The following PARK7 variants were observed in gnomAD, a reference collection of about 807,000 sequenced individuals.
PARK7 encodes the protein Parkinsonism associated deglycase, also known as Parkinson disease protein 7.
PARK7 carries 14 observed loss-of-function variants against 20.5 expected under a neutral mutation model. That is an observed-to-expected ratio of 0.68 (90% CI 0.45 to 1.07). The LOEUF is 1.07. Among genes scored for constraint, PARK7 ranks in the 50% least tolerant of loss-of-function variants. The probability of loss-of-function intolerance (pLI) is 0.00; values close to 1 mark genes in which losing one functional copy is unlikely to be tolerated. For synonymous variants in PARK7, 98 were observed against 84.3 expected (o/e 1.16, Z -0.89); for missense variants, 234 against 238.1 (o/e 0.98, Z 0.11).
intron 4 of PARK7, 126 bp from the exon 5 acceptor site, chr1:7,970,765 ATAT>A (rs1578096688): frequency 3.6e-6 from 3 of 844,676 alleles, no homozygotes; most frequent in Non-Finnish European, 5.9e-6. Flanking sequence ...TGATTTAGAA[ATAT>A]TGTTGGAAAA....
At chr1:7,971,176 T>TG in intron 5 of PARK7, 1 of 620,760 alleles carries the variant, frequency 1.6e-6, no homozygotes, top group Non-Finnish European at 2.9e-6. Flanking sequence ...GTCTACATGC[T>TG]GTGAAACTTA....
intron 5 of PARK7, among the ~76,000 whole-genome samples, chr1:7,976,747 G>A (rs1057265838): frequency 1.3e-5 from 2 of 152,128 alleles, no homozygotes; most frequent in Admixed American, 1.3e-4. Context: ...TTGAGACAGA[G>A]TCTCGCTCTG....
At position 7,984,918 on chromosome 1, in the gene PARK7, G is replaced by C. The variant is rs148682310; in HGVS notation, c.434G>C (p.Arg145Pro). The C allele has an allele frequency of 6.2e-7, 1 of 1,614,152 alleles. No homozygotes were observed. The highest frequency in any genetic ancestry group is 1.3e-5 in the African/African-American group (1 of 75,034). The change falls in exon 7 of 7, where the codon CGT becomes CCT. Residue 145 changes from arginine to proline, a missense_variant. Arg to Pro is a moderately radical substitution (Grantham distance 103). Coordinates refer to ENST00000338639, the MANE Select transcript of PARK7 (RefSeq NM_007262.5). The surrounding 1 kb of genome is among the most constrained non-coding windows in gnomAD (Gnocchi z 4.3). ...GGTCATTACACCTACTCTGAGAATC[G>C]TGTGGAAAAAGACGGCCTGATTCTT... ...NGGHYTYSENRVEKDGLILTS... is the reference protein window; with the variant it reads ...NGGHYTYSENPVEKDGLILTS...
chr1:7,971,273 G>A, intron 5 of PARK7: 1 of 418,168 alleles, frequency 2.4e-6, no homozygotes, highest in Non-Finnish European at 4.5e-6. Context: ...CTCTGTGCCA[G>A]AAAGTCTTTG....
At chr1:7,975,174 C>A (rs1031518107) in intron 5 of PARK7, among the ~76,000 whole-genome samples, 2 of 152,098 alleles carry the variant, frequency 1.3e-5, no homozygotes, top group Admixed American at 1.3e-4. Flanking sequence ...TGAAGTGTTG[C>A]AGTTAGGGAT....
intron 3 of PARK7, among the ~76,000 whole-genome samples, chr1:7,967,519 G>T (rs1306246616): frequency 6.6e-6 from 1 of 152,074 alleles, no homozygotes; most frequent in Non-Finnish European, 1.5e-5. Flanking sequence ...TTATTTTTCA[G>T]TGCAGATTCT....
chr1:7,967,059 A>G (rs1640345444), intron 3 of PARK7, among the ~76,000 whole-genome samples: 1 of 152,072 alleles, frequency 6.6e-6, no homozygotes, highest in South Asian at 2.1e-4. Flanking sequence ...ATCTCTCCCT[A>G]TCCCCACTTT....
At chr1:7,966,214 C>T (rs993363262) in intron 3 of PARK7, among the ~76,000 whole-genome samples, 2 of 152,190 alleles carry the variant, frequency 1.3e-5, no homozygotes, top group Admixed American at 1.3e-4. Context: ...AGAGTCGGCT[C>T]ACAGATGGCT....
At chr1:7,981,632 C>T (rs1425270156) in intron 6 of PARK7, among the ~76,000 whole-genome samples, 4 of 151,380 alleles carry the variant, frequency 2.6e-5, no homozygotes, top group Admixed American at 6.6e-5. Flanking sequence ...TCAGGCTTGT[C>T]GTTGCTGACC....
chr1:7,968,268 A>C (rs1640370171), intron 3 of PARK7, among the ~76,000 whole-genome samples: 1 of 147,676 alleles, frequency 6.8e-6, no homozygotes, highest in South Asian at 2.1e-4. Context: ...AGATCACTGC[A>C]CTCTAACCTG....
At chr1:7,983,840 A>G (rs1469629023) in intron 6 of PARK7, among the ~76,000 whole-genome samples, 1 of 152,154 alleles carries the variant, frequency 6.6e-6, no homozygotes, top group Non-Finnish European at 1.5e-5. Flanking sequence ...TTGACCTCAC[A>G]CTTCAGGGGT....
At chr1:7,983,280 C>T (rs997589428) in intron 6 of PARK7, among the ~76,000 whole-genome samples, 5 of 152,240 alleles carry the variant, frequency 3.3e-5, no homozygotes, top group South Asian at 2.1e-4. Flanking sequence ...CGCCTGCCTG[C>T]GTGGCCGGTG....
intron 2 of PARK7, among the ~76,000 whole-genome samples, chr1:7,964,191 T>C (rs1417376139): frequency 6.6e-6 from 1 of 152,168 alleles, no homozygotes; most frequent in Non-Finnish European, 1.5e-5. Flanking sequence ...TATCTAAAAA[T>C]AGTGAACAGT....
Position 7,984,777 on chromosome 1 carries a change from A to G in PARK7, c.410-117A>G, listed in dbSNP as rs570660727. ...TTGGAGTGCCTAGTAAATGTTTTTG[A>G]ATGGTTAGCTACAGTGTTGGGTTTA... On this transcript the variant is annotated intron_variant, in intron 6 of 6. Coordinates refer to ENST00000338639, the MANE Select transcript of PARK7 (RefSeq NM_007262.5). This position sits in a 1 kb window ranked among gnomAD's most constrained non-coding sequence, Gnocchi z 4.3. 9.8e-5 allele frequency: 126 copies of G among 1,281,810 alleles called. No individual in the cohort carries two copies. In the African/African-American group the frequency reaches 1.1e-3, roughly 11 times the overall value. The allele number at this position is 1,281,810 out of a possible 1,614,324, so 79.4% of individuals were successfully genotyped here. A position where few individuals can be genotyped will look rare whatever the true frequency, so the allele number is the denominator to read the frequency against.
chr1:7,980,507 C>T (rs1640689039), intron 6 of PARK7, among the ~76,000 whole-genome samples: 1 of 152,156 alleles, frequency 6.6e-6, no homozygotes, highest in Admixed American at 6.6e-5. Flanking sequence ...GTCCCCAGTG[C>T]CCAGCAAGGC....
At chr1:7,964,380 G>A (rs907555235) in intron 2 of PARK7, among the ~76,000 whole-genome samples, 1 of 152,102 alleles carries the variant, frequency 6.6e-6, no homozygotes, top group African/African-American at 2.4e-5. Flanking sequence ...TCAGACCCAG[G>A]CAGCCTGGCC....
At chr1:7,969,736 T>A (rs1640418328) in intron 4 of PARK7, among the ~76,000 whole-genome samples, 1 of 152,130 alleles carries the variant, frequency 6.6e-6, no homozygotes. Context: ...TGCACCCCCA[T>A]GCCCTGCTAA....
intron 5 of PARK7, chr1:7,971,177 G>A (rs1640458327): frequency 4.9e-6 from 3 of 612,564 alleles, no homozygotes; most frequent in Non-Finnish European, 8.8e-6. Flanking sequence ...TCTACATGCT[G>A]TGAAACTTAG....
Position 7,977,702 on chromosome 1 carries a change from A to G in PARK7, c.373A>G (p.Thr125Ala). Residue 125 changes from threonine to alanine, a missense_variant, in exon 6 of 7, where the codon ACA becomes GCA. Physicochemically the swap from Thr to Ala is moderately conservative, Grantham distance 58. Transcript: ENST00000338639. ...HEIGFGSKVT[T>A]HPLAKDKMMN... ...AATAGGTTTTGGAAGTAAAGTTACAACACACCCTCTTGCTAAAGACAAAAT... is the reference window on the plus strand; with the variant it reads ...AATAGGTTTTGGAAGTAAAGTTACAGCACACCCTCTTGCTAAAGACAAAAT... 1.9e-6 allele frequency: 3 copies of G among 1,614,162 alleles called. No homozygotes were observed. The highest frequency in any genetic ancestry group is 2.5e-6 in the Non-Finnish European group (3 of 1,180,004).
Sources: allele counts gnomAD v4.1 joint callset (sites outside exome capture counted in the v4.1 genomes callset), GRCh38; gene constraint gnomAD v4.1.1; non-coding constraint Gnocchi (gnomAD v3.1); transcripts MANE v1.5; gene names NCBI Gene and HGNC (gene_info 2026-07-23, HGNC 2026-07-21).